ANOS1: variants seen among roughly 807,000 people sequenced by gnomAD.
ANOS1 encodes anosmin 1.
Under a neutral mutation model 59.0 loss-of-function variants are expected in ANOS1, and 6 were observed. That is an observed-to-expected ratio of 0.10 (90% CI 0.06 to 0.20). ANOS1 has a LOEUF of 0.20. Ranked by LOEUF, ANOS1 falls within the 10% of genes least tolerant of loss-of-function variation. The pLI is 1.00. For missense variants in ANOS1, 433 were observed against 542.3 expected (o/e 0.80, Z 2.00); for synonymous variants, 217 against 223.4 (o/e 0.97, Z 0.25).
At chrX:8,537,343 C>T (rs1216064757) in intron 10 of ANOS1, among the ~76,000 whole-genome samples, 1 of 111,851 alleles carries the variant, frequency 8.9e-6, no homozygotes, top group Non-Finnish European at 1.9e-5. Flanking sequence ...GTAAGTTTTT[C>T]TGTTAAAAAA....
chrX:8,692,170 A>G (rs1932617545), intron 2 of ANOS1, among the ~76,000 whole-genome samples: 1 of 111,412 alleles, frequency 9.0e-6, no homozygotes, highest in African/African-American at 3.3e-5. Context: ...TTCATTTTCA[A>G]TGGTTGGAAA....
chrX:8,662,289 CCTTGGTTTAATG>C (rs1932052461), intron 2 of ANOS1, among the ~76,000 whole-genome samples: 1 of 111,975 alleles, frequency 8.9e-6, no homozygotes, highest in African/African-American at 3.2e-5. Context: ...AGGGGCCCAA[CCTTGGTTTAATG>C]CTTTGCCATC....
At chrX:8,619,940 T>C (rs1485974990) in intron 3 of ANOS1, among the ~76,000 whole-genome samples, 1 of 112,152 alleles carries the variant, frequency 8.9e-6, no homozygotes, top group Non-Finnish European at 1.9e-5. Context: ...TGTTTTATTG[T>C]TTTTTGTTTT....
At chrX:8,647,734 G>A (rs902772128) in intron 2 of ANOS1, among the ~76,000 whole-genome samples, 2 of 112,152 alleles carry the variant, frequency 1.8e-5, no homozygotes. Flanking sequence ...GCTACAAGCA[G>A]TAAGCAAGTG....
intron 1 of ANOS1, among the ~76,000 whole-genome samples, chrX:8,727,211 A>G (rs913870726): frequency 9.0e-6 from 1 of 111,139 alleles, no homozygotes; most frequent in East Asian, 2.9e-4. Flanking sequence ...GCTCAGAACC[A>G]ATCCTGACTC....
At chrX:8,595,397 G>GT (rs1930715141) in intron 4 of ANOS1, among the ~76,000 whole-genome samples, 1 of 108,645 alleles carries the variant, frequency 9.2e-6, no homozygotes, top group Admixed American at 1.0e-4. Context: ...TATTTTGAAT[G>GT]TAAGACATAG....
chrX:8,662,061 C>T (rs777846212), intron 2 of ANOS1, among the ~76,000 whole-genome samples: 59 of 111,616 alleles, frequency 5.3e-4, no homozygotes, highest in African/African-American at 1.8e-3. Flanking sequence ...ACATGAACCT[C>T]GTTTCTTGGT....
chrX:8,716,718 G>A, intron 1 of ANOS1, among the ~76,000 whole-genome samples: 1 of 111,637 alleles, frequency 9.0e-6, no homozygotes, highest in Non-Finnish European at 1.9e-5. Flanking sequence ...ATGAAGGCAC[G>A]TGCCTTGGTC....
chrX:8,685,596 GGAAGAAAGA>G (rs1932500892), intron 2 of ANOS1, among the ~76,000 whole-genome samples: 2 of 64,900 alleles, frequency 3.1e-5, no homozygotes, highest in African/African-American at 1.3e-4. Context: ...GAGAAAGAAA[GGAAGAAAGA>G]AAGAAAGAAA....
At chrX:8,678,168 T>C (rs1000096550) in intron 2 of ANOS1, among the ~76,000 whole-genome samples, 1 of 112,540 alleles carries the variant, frequency 8.9e-6, no homozygotes, top group Non-Finnish European at 1.9e-5. Context: ...TTGCAAGGGT[T>C]CATCCTACAC....
intron 2 of ANOS1, among the ~76,000 whole-genome samples, chrX:8,648,024 G>A (rs1272309698): frequency 8.9e-6 from 1 of 112,197 alleles, no homozygotes; most frequent in Non-Finnish European, 1.9e-5. Context: ...TTTATAAACT[G>A]TATAAATGTT....
chrX:8,589,312 G>A (rs1930575455), intron 4 of ANOS1, among the ~76,000 whole-genome samples: 1 of 111,749 alleles, frequency 8.9e-6, no homozygotes. Context: ...GCTGAGTAGT[G>A]ACCTTTAGTT....
chrX:8,635,471 A>G (rs2146854202), intron 2 of ANOS1, among the ~76,000 whole-genome samples: 1 of 111,768 alleles, frequency 8.9e-6, no homozygotes, highest in East Asian at 2.8e-4. Context: ...GCAGTAAAGG[A>G]GGGGTAGGTG....
At chrX:8,632,606 G>T (rs1464087273) in intron 2 of ANOS1, among the ~76,000 whole-genome samples, 1 of 111,463 alleles carries the variant, frequency 9.0e-6, no homozygotes, top group African/African-American at 3.3e-5. Context: ...GTAATATTCT[G>T]TGTGTGGCCA....
intron 3 of ANOS1, among the ~76,000 whole-genome samples, chrX:8,620,020 ACTCCTGGC>A (rs1931261508): frequency 9.0e-6 from 1 of 110,733 alleles, no homozygotes; most frequent in African/African-American, 3.3e-5. Flanking sequence ...GCAACCTTGA[ACTCCTGGC>A]CTCAAGCAAT....
intron 6 of ANOS1, among the ~76,000 whole-genome samples, chrX:8,582,720 G>A (rs917697574): frequency 1.8e-5 from 2 of 111,417 alleles, no homozygotes; most frequent in Non-Finnish European, 3.8e-5. Context: ...CCCAGGATCC[G>A]GAAGTGGGGA....
At chrX:8,664,993 A>C (rs1401835708) in intron 2 of ANOS1, among the ~76,000 whole-genome samples, 1 of 111,839 alleles carries the variant, frequency 8.9e-6, no homozygotes, top group Non-Finnish European at 1.9e-5. Flanking sequence ...AGGCACACAA[A>C]ATGATGAACA....
At chrX:8,585,445 G>C (rs952376462) in intron 5 of ANOS1, 49 bp from the exon 6 acceptor site, 1 of 1,188,323 alleles carries the variant, frequency 8.4e-7, no homozygotes, top group African/African-American at 1.8e-5. Context: ...TTTTTATTCC[G>C]ACATGTTAGT....
intron 1 of ANOS1, among the ~76,000 whole-genome samples, chrX:8,715,402 C>T (rs1016936461): frequency 2.7e-5 from 3 of 109,189 alleles, no homozygotes; most frequent in African/African-American, 1.0e-4. Flanking sequence ...GTAGCAAGGA[C>T]AAGAGGTATG....
Sources: gnomAD v4.1 joint callset for allele counts (sites outside exome capture counted in the v4.1 genomes callset) on GRCh38, gnomAD v4.1.1 for gene constraint, MANE v1.5 for transcripts, NCBI Gene and HGNC (gene_info 2026-07-23, HGNC 2026-07-21) for gene names.